The following ABCA12 variants were observed in gnomAD, a reference collection of about 807,000 sequenced individuals.
The protein encoded by ABCA12 is ATP binding cassette subfamily A member 12.
Under a neutral mutation model 293.5 loss-of-function variants are expected in ABCA12, and 156 were observed. That is an observed-to-expected ratio of 0.53 (90% CI 0.47 to 0.61). ABCA12 has a LOEUF of 0.61. ABCA12 is among the 20% of genes least tolerant of loss of function. The pLI, the probability that ABCA12 is intolerant of heterozygous loss-of-function variation, is 0.00. For synonymous variants in ABCA12, 1,063 were observed against 1,108.0 expected (o/e 0.96, Z 0.81); for missense variants, 2,797 against 3,090.2 (o/e 0.91, Z 2.25).
In ABCA12 at chr2:215,064,204, C is replaced by T. The variant is rs762065937; in HGVS notation, c.179G>A (p.Arg60Gln). ...AAAGAATCCAGTACTAGGAAGGTTT[C>T]GAGGTGCGAGGTAACCTAAAATTAA... ...TAKPTCYLAPRNLPSTGFFPF... is the reference protein window; with the variant it reads ...TAKPTCYLAPQNLPSTGFFPF... The change falls in exon 3 of 53, where the codon CGA becomes CAA. Residue 60 changes from arginine (R) to glutamine (Q), a missense_variant. Physicochemically the swap from Arg to Gln is conservative, Grantham distance 43. Around this residue, in one of 3 missense-constraint regions of ABCA12, gnomAD observed 656 missense variants for 638.2 expected, o/e 1.03. Coordinates refer to ENST00000272895, the MANE Select transcript of ABCA12 (RefSeq NM_173076.3). 26 of 1,612,264 alleles carry T rather than the reference C, an allele frequency of 1.6e-5. No individual in the cohort carries two copies. The highest frequency in any genetic ancestry group is 6.7e-5 in the African/African-American group (5 of 74,744).
At chr2:215,049,423 GGTTTA>G (rs1387393703) in intron 6 of ABCA12, among the ~76,000 whole-genome samples, 198 bp downstream of exon 6, 1 of 151,986 alleles carries the variant, frequency 6.6e-6, no homozygotes, top group African/African-American at 2.4e-5. Context: ...TAATATTTTT[GGTTTA>G]GCATTGAAAT....
chr2:215,020,292 G>GCACGCACACACA (rs1553534996), intron 11 of ABCA12, among the ~76,000 whole-genome samples: 1 of 148,700 alleles, frequency 6.7e-6, no homozygotes, highest in Non-Finnish European at 1.5e-5. Context: ...GGGAATGTAT[G>GCACGCACACACA]CACACACACA....
intron 43 of ABCA12, among the ~76,000 whole-genome samples, chr2:214,954,636 A>G (rs1698886647): frequency 6.6e-6 from 1 of 152,180 alleles, no homozygotes. Context: ...CTCCCAGAGT[A>G]TGCTTGTCTA....
At chr2:214,937,707 A>T in intron 50 of ABCA12, 92 bp from the exon 51 acceptor site, 2 of 878,026 alleles carry the variant, frequency 2.3e-6, no homozygotes, top group Admixed American at 1.9e-5. Context: ...ACCCAAGCCA[A>T]CCATTATATC....
chr2:214,955,434 C>T, intron 42 of ABCA12, 73 bp from the exon 43 acceptor site: 2 of 1,478,456 alleles, frequency 1.4e-6, no homozygotes. Context: ...GTAATCCTAA[C>T]ACTTTAGGAG....
chr2:215,031,278 TA>T (rs1302153074), intron 9 of ABCA12, among the ~76,000 whole-genome samples: 3 of 152,172 alleles, frequency 2.0e-5, no homozygotes, highest in African/African-American at 2.4e-5. Flanking sequence ...TGTTTAAGCA[TA>T]AAAAATATTT....
chr2:214,955,662 T>G (rs955190450), intron 42 of ABCA12, among the ~76,000 whole-genome samples: 3 of 152,170 alleles, frequency 2.0e-5, no homozygotes, highest in Admixed American at 6.5e-5. Context: ...AGATCCTGTC[T>G]CAGAAAAGAA....
intron 23 of ABCA12, among the ~76,000 whole-genome samples, chr2:214,997,237 G>A (rs2105984495): frequency 6.6e-6 from 1 of 152,256 alleles, no homozygotes; most frequent in African/African-American, 2.4e-5. Context: ...AAGGTATACT[G>A]GAAAGAGAAT....
In ABCA12 at chr2:215,037,058, G is replaced by A; in HGVS notation, c.880C>T (p.Leu294=). 1 of 1,613,676 alleles carries A rather than the reference G, an allele frequency of 6.2e-7. No homozygotes were observed. The highest frequency in any genetic ancestry group is 8.5e-7 in the Non-Finnish European group (1 of 1,179,662). The change falls in exon 8 of 53, where the codon CTG becomes TTG. Residue 294 remains leucine (L), a synonymous_variant. Coordinates refer to ENST00000272895, the MANE Select transcript of ABCA12 (RefSeq NM_173076.3). The part of the protein sequence containing the change: ...DVLRKANSVL[L]VVQKVYPRFA... ...CGTGGATAAACCTTCTGCACAACCA[G>A]CAGCACACTAAGGAGTCAAAAAGCA...
intron 5 of ABCA12, among the ~76,000 whole-genome samples, chr2:215,052,168 C>G (rs897050316): frequency 7.9e-5 from 12 of 152,124 alleles, no homozygotes; most frequent in Admixed American, 3.9e-4. Context: ...ATTATAACTT[C>G]ATTTGGTCTT....
At chr2:215,031,695 C>G in intron 9 of ABCA12, 126 bp downstream of exon 9, 2 of 1,161,902 alleles carry the variant, frequency 1.7e-6, no homozygotes, top group South Asian at 2.5e-5. Flanking sequence ...CTTTCCTCTG[C>G]TCAGTCAATA....
At chr2:215,101,631 G>A (rs963750329) in intron 2 of ABCA12, among the ~76,000 whole-genome samples, 3 of 152,136 alleles carry the variant, frequency 2.0e-5, no homozygotes, top group African/African-American at 7.2e-5. Flanking sequence ...CTCCTAAATT[G>A]TGTAAATCTT....
chr2:214,947,430 G>A lies in ABCA12; in HGVS notation c.7231C>T (p.Leu2411=). 1.9e-6 allele frequency: 3 copies of A among 1,613,894 alleles called. No individual in the cohort carries two copies. The highest frequency in any genetic ancestry group is 2.5e-6 in the Non-Finnish European group (3 of 1,179,814). ...ALALIGKPSI[L]LLDEPSSGMD... is the part of the protein sequence containing the mutation. The stretch of plus-strand genomic sequence containing the variant: ...AATAATGATTCTCTTACCAGCAGTA[G>A]AATGGAAGGTTTCCCTATCAAGGCC... Residue 2411 remains leucine (L), a synonymous_variant, in exon 48 of 53, where the codon CTA becomes TTA. Coordinates refer to ENST00000272895, the MANE Select transcript of ABCA12 (RefSeq NM_173076.3).
chr2:215,038,556 T>G (rs530458056), intron 7 of ABCA12, among the ~76,000 whole-genome samples: 56 of 152,344 alleles, frequency 3.7e-4, no homozygotes, highest in African/African-American at 1.2e-3. Flanking sequence ...ATCTCTGCTC[T>G]GTATACATGA....
At chr2:215,095,558 TG>T (rs1236246991) in intron 2 of ABCA12, among the ~76,000 whole-genome samples, 1 of 152,164 alleles carries the variant, frequency 6.6e-6, no homozygotes, top group African/African-American at 2.4e-5. Flanking sequence ...GAAGCAGCCC[TG>T]AGAGACATCA....
At chr2:215,018,238 T>C in intron 13 of ABCA12, 106 bp from the exon 14 acceptor site, 1 of 1,413,996 alleles carries the variant, frequency 7.1e-7, no homozygotes. Context: ...ATACGTGCCT[T>C]CTCAGGGGCA....
In ABCA12 at chr2:214,948,703, C is replaced by T; in HGVS notation, c.6997G>A (p.Val2333Ile). The change falls in exon 47 of 53, where the codon GTT becomes ATT. Residue 2333 changes from valine to isoleucine, a missense_variant. Around this residue, in one of 3 missense-constraint regions of ABCA12, gnomAD observed 2,130 missense variants for 2,427.0 expected, o/e 0.88. Transcript: ENST00000272895. ...GCATCTTCCTGAGGACAGTAGCCAA[C>T]TAATGAGCTGTGAGAATCAACGTGA... ...LGHVDSHSSL[V>I]GYCPQEDALD... 1 of 1,614,102 alleles carries T rather than the reference C, an allele frequency of 6.2e-7. No individual in the cohort carries two copies. The highest frequency in any genetic ancestry group is 8.5e-7 in the Non-Finnish European group (1 of 1,180,002).
At chr2:214,947,969 C>T (rs962693213) in intron 47 of ABCA12, 1 of 253,016 alleles carries the variant, frequency 4.0e-6, no homozygotes, top group Non-Finnish European at 7.8e-6. Flanking sequence ...CAAAGGCTTT[C>T]AATCTATTTA....
chr2:215,089,197 A>AT (rs992746373), intron 2 of ABCA12, among the ~76,000 whole-genome samples: 10 of 149,516 alleles, frequency 6.7e-5, no homozygotes, highest in African/African-American at 2.4e-4. Context: ...GTTTTGCTTT[A>AT]TTTTTTTTTC....
Sources: gnomAD v4.1 joint callset for allele counts (sites outside exome capture counted in the v4.1 genomes callset) on GRCh38, gnomAD v4.1.1 for gene constraint, gnomAD v4.1.1 regional missense constraint, MANE v1.5 for transcripts, NCBI Gene and HGNC (gene_info 2026-07-23, HGNC 2026-07-21) for gene names.